Variants in PITPNM2 observed in about 807,000 individuals in gnomAD.
PITPNM2 encodes the protein membrane-associated phosphatidylinositol transfer protein 2.
PITPNM2 carries 35 observed loss-of-function variants against 132.2 expected under a neutral mutation model. The observed-to-expected ratio is 0.26, with a 90% CI of 0.20 to 0.35. The LOEUF (loss-of-function observed/expected upper bound fraction) is 0.35. Ranked by LOEUF, PITPNM2 falls within the 10% of genes least tolerant of loss-of-function variation. The probability of loss-of-function intolerance (pLI) is 1.00; values close to 1 mark genes in which losing one functional copy is unlikely to be tolerated. For missense variants in PITPNM2, 1,332 were observed against 1,912.0 expected (o/e 0.70, Z 5.66); for synonymous variants, 738 against 799.2 (o/e 0.92, Z 1.29).
chr12:123,060,568 G>A (rs1461680915), intron 2 of PITPNM2, among the ~76,000 whole-genome samples: 1 of 152,228 alleles, frequency 6.6e-6, no homozygotes, highest in Non-Finnish European at 1.5e-5. Context: ...ACTGCACACA[G>A]GATATACAGA....
rs1000952209 is a variant in PITPNM2, at chr12:122,984,707, G to A, written c.*1320C>T. 3 of 152,322 alleles carry A rather than the reference G, an allele frequency of 2.0e-5. No individual in the cohort carries two copies. The highest frequency in any genetic ancestry group is 1.9e-4 in the East Asian group (1 of 5,182). The allele number at this position is 152,322 out of a possible 1,614,324, so 9.4% of individuals were successfully genotyped here. A position where few individuals can be genotyped will look rare whatever the true frequency, so the allele number is the denominator to read the frequency against. ...AGACCCAGGTCGGCCGTAGCTTCTCGGGGACAGAGCCTGGTCGCTGGACAA... is the reference window on the plus strand; with the variant it reads ...AGACCCAGGTCGGCCGTAGCTTCTCAGGGACAGAGCCTGGTCGCTGGACAA... On this transcript the variant is annotated 3_prime_UTR_variant, in exon 26 of 26. Transcript: ENST00000320201.
Position 123,005,126 on chromosome 12 carries a change from T to C in PITPNM2, c.952+114A>G. ...GGGCTCTGACTCCCTCTGGGCTTGGTGCCTCAATGTCCATGGGAAAGAACT... is the reference window on the plus strand; with the variant it reads ...GGGCTCTGACTCCCTCTGGGCTTGGCGCCTCAATGTCCATGGGAAAGAACT... On this transcript the variant is annotated intron_variant, in intron 7 of 25. Transcript: ENST00000320201. This position sits in a 1 kb window ranked among gnomAD's most constrained non-coding sequence, Gnocchi z 6.2. The C allele has an allele frequency of 7.7e-7, 1 of 1,297,626 alleles. No individual in the cohort carries two copies. The highest frequency in any genetic ancestry group is 1.1e-6 in the Non-Finnish European group (1 of 938,226). 80.4% of individuals were successfully genotyped at this position (1,297,626 alleles called of 1,614,324 possible).
chr12:123,036,439 T>G lies in PITPNM2; in HGVS notation c.-95-1754A>C, dbSNP rs1257753608. Among the ~76,000 whole-genome samples the G allele has an allele frequency of 1.3e-5, 2 of 152,182 alleles. No homozygotes were observed. The highest frequency in any genetic ancestry group is 4.8e-5 in the African/African-American group (2 of 41,434). Reference sequence around the variant, plus strand: ...AATTCTCACATCCATCCTGGCATTATGGGATGCCAAGGCAGGTGGACTGCT... The same window carrying G: ...AATTCTCACATCCATCCTGGCATTAGGGGATGCCAAGGCAGGTGGACTGCT... On this transcript the variant is annotated intron_variant, in intron 2 of 25. Transcript: ENST00000320201. The surrounding 1 kb of genome is among the most constrained non-coding windows in gnomAD (Gnocchi z 4.1).
chr12:122,988,828 A>G lies in PITPNM2; in HGVS notation c.2776T>C (p.Tyr926His), dbSNP rs2038054049. Residue 926 changes from tyrosine to histidine, a missense_variant, in exon 19 of 26, where the codon TAC (tyrosine) becomes CAC (histidine). Coordinates refer to ENST00000320201, the MANE Select transcript of PITPNM2 (RefSeq NM_020845.3). ...AAGGCCGTGAGGGCGTCAGGGCAGT[A>G]CAGGGCGTAGTCGATCCGCTTCTGG... is the stretch of plus-strand genomic sequence containing the variant. ...WGQKRIDYAL[Y>H]CPDALTAFPT... is the part of the protein sequence containing the mutation. 6.3e-7 allele frequency: 1 copy of G among 1,583,454 alleles called. No homozygotes were observed. The highest frequency in any genetic ancestry group is 1.2e-5 in the South Asian group (1 of 86,604).
intron 20 of PITPNM2, 29 bp downstream of exon 20, chr12:122,988,204 TG>T (rs751635142): frequency 1.7e-5 from 27 of 1,577,440 alleles, no homozygotes; most frequent in Middle Eastern, 3.3e-4. Context: ...GGTGACATCG[TG>T]GGGGCCTGGG....
At chr12:123,144,633 T>C (rs1490465741) in intron 1 of PITPNM2, among the ~76,000 whole-genome samples, 2 of 152,180 alleles carry the variant, frequency 1.3e-5, no homozygotes, top group East Asian at 3.9e-4. Flanking sequence ...GGTTTCACCA[T>C]GTTGGCCAGG....
chr12:122,986,169 C>T lies in PITPNM2; in HGVS notation c.3908G>A (p.Gly1303Glu). The change falls in exon 26 of 26, where the codon GGG becomes GAG. Residue 1303 changes from glycine to glutamate, a missense_variant. By Grantham distance (98) the Gly-to-Glu change is moderately conservative. This residue lies in a region of PITPNM2 where 163 missense variants were observed against 177.2 expected (regional missense o/e 0.92). Transcript: ENST00000320201. Reference sequence around the variant, plus strand: ...TGTCCGCTCGTGCCGGTGGCTGGGCCCGCTGGGCTGGGCCGAGATGGTGCG... The same window carrying T: ...TGTCCGCTCGTGCCGGTGGCTGGGCTCGCTGGGCTGGGCCGAGATGGTGCG... Reference protein sequence around the residue: ...LLRTISAQPSGPSHRHERTQS... With the variant: ...LLRTISAQPSEPSHRHERTQS... The T allele has an allele frequency of 1.3e-6, 2 of 1,538,996 alleles. No homozygotes were observed. The highest frequency in any genetic ancestry group is 1.7e-6 in the Non-Finnish European group (2 of 1,147,476).
At chr12:123,028,925 G>T (rs1482542578) in intron 3 of PITPNM2, among the ~76,000 whole-genome samples, 1 of 152,144 alleles carries the variant, frequency 6.6e-6, no homozygotes, top group Non-Finnish European at 1.5e-5. Context: ...TGACAGTAGG[G>T]GTCTTGGTGA....
At chr12:123,017,037 C>A (rs182786629) in intron 3 of PITPNM2, among the ~76,000 whole-genome samples, 178 of 143,018 alleles carry the variant, frequency 1.2e-3, no homozygotes, top group African/African-American at 4.3e-3. Flanking sequence ...CAGAGTGAGA[C>A]TCCATCTCAA....
At chr12:122,988,445 GC>G in intron 19 of PITPNM2, 95 bp from the exon 20 acceptor site, 1 of 1,078,532 alleles carries the variant, frequency 9.3e-7, no homozygotes, top group Middle Eastern at 2.2e-4. Flanking sequence ...AGCAAGAGGA[GC>G]CTGTGGGTTG....
At chr12:123,015,070 T>C (rs1343431157) in intron 3 of PITPNM2, among the ~76,000 whole-genome samples, 1 of 152,222 alleles carries the variant, frequency 6.6e-6, no homozygotes, top group African/African-American at 2.4e-5. Flanking sequence ...CCCGTGTTGA[T>C]GGATTGGAAG....
chr12:123,022,514 G>C lies in PITPNM2; in HGVS notation c.79-8472C>G, dbSNP rs2039708171. Among the ~76,000 whole-genome samples, 1 of 152,138 alleles carries C rather than the reference G, an allele frequency of 6.6e-6. No homozygotes were observed. Among genetic ancestry groups the C allele is most frequent in the African/African-American group, 2.4e-5 (1 of 41,414 alleles). ...CAAGGGAGGCAAAGAGCATGAATGAGAGCCCCAAGCAGGAGATCTCCTGAC... is the reference window on the plus strand; with the variant it reads ...CAAGGGAGGCAAAGAGCATGAATGACAGCCCCAAGCAGGAGATCTCCTGAC... On this transcript the variant is annotated intron_variant, in intron 3 of 25. Coordinates refer to ENST00000320201, the MANE Select transcript of PITPNM2 (RefSeq NM_020845.3). This position sits in a 1 kb window ranked among gnomAD's most constrained non-coding sequence, Gnocchi z 4.9.
At position 122,997,480 on chromosome 12, in the gene PITPNM2, G is replaced by A. The variant is rs370868252; in HGVS notation, c.1317C>T (p.Ala439=). The change falls in exon 11 of 26, where the codon GCC becomes GCT. Residue 439 remains alanine (A), a synonymous_variant. Transcript: ENST00000320201. ...LHGGTILDTG[A]GDPSSKKGDA... Reference sequence around the variant, plus strand: ...CGCCCTTCTTGGAGCTGGGGTCCCCGGCGCCTGTGTCCAGGATGGTGCCTC... The same window carrying A: ...CGCCCTTCTTGGAGCTGGGGTCCCCAGCGCCTGTGTCCAGGATGGTGCCTC... 9.9e-5 allele frequency: 160 copies of A among 1,613,406 alleles called. No individual in the cohort carries two copies. The highest frequency in any genetic ancestry group is 6.5e-4 in the Admixed American group (39 of 60,006).
chr12:122,999,155 G>A (rs1267105475), intron 10 of PITPNM2, among the ~76,000 whole-genome samples: 1 of 151,970 alleles, frequency 6.6e-6, no homozygotes, highest in Non-Finnish European at 1.5e-5. Context: ...GCAAGGGAAT[G>A]GATGGGCTGG....
At chr12:123,039,474 GAGA>G (rs1363625260) in intron 2 of PITPNM2, among the ~76,000 whole-genome samples, 6 of 152,174 alleles carry the variant, frequency 3.9e-5, no homozygotes, top group Admixed American at 3.3e-4. Flanking sequence ...GACAAATTTG[GAGA>G]AGAACAAAGG....
intron 1 of PITPNM2, among the ~76,000 whole-genome samples, chr12:123,126,382 A>T (rs1381467618): frequency 1.3e-5 from 2 of 152,154 alleles, no homozygotes; most frequent in Non-Finnish European, 2.9e-5. Context: ...AAGCAAGCTG[A>T]CTACAACTCC....
chr12:123,064,887 G>T lies in PITPNM2; in HGVS notation c.-95-30202C>A, dbSNP rs956614140. On this transcript the variant is annotated intron_variant, in intron 2 of 25. Transcript: ENST00000320201. This position sits in a 1 kb window ranked among gnomAD's most constrained non-coding sequence, Gnocchi z 4.0. ...AGTCCTTTACCTGCTCCAGGCCTCA[G>T]TGTACCCATTTGTGGACCACCACCC... 2.6e-5 allele frequency among the ~76,000 whole-genome samples: 4 copies of T among 152,358 alleles called. No individual in the cohort carries two copies. The highest frequency in any genetic ancestry group is 5.9e-5 in the Non-Finnish European group (4 of 68,036).
chr12:123,014,143 G>A (rs1592943477), intron 3 of PITPNM2, 101 bp from the exon 4 acceptor site: 1 of 1,296,236 alleles, frequency 7.7e-7, no homozygotes, highest in Non-Finnish European at 1.1e-6. Flanking sequence ...AAGGGAGGAG[G>A]GGCTTTGGTC....
rs1036356836 is a variant in PITPNM2 at position 123,095,791 on chromosome 12, AC to A, written c.-96+14593del. 1.1e-4 allele frequency among the ~76,000 whole-genome samples: 17 copies of A among 152,292 alleles called. No individual in the cohort carries two copies. The highest frequency in any genetic ancestry group is 3.9e-4 in the African/African-American group (16 of 41,550). On this transcript the variant is annotated intron_variant, in intron 2 of 25. Coordinates refer to ENST00000320201, the MANE Select transcript of PITPNM2 (RefSeq NM_020845.3). This position sits in a 1 kb window ranked among gnomAD's most constrained non-coding sequence, Gnocchi z 5.0. ...ACCAGGAAGACTCTCCCTTGTTTAC[AC>A]GCAACCCTGCCTCCTGTGTCGTGTG...
Sources: allele counts gnomAD v4.1 joint callset (sites outside exome capture counted in the v4.1 genomes callset), GRCh38; gene constraint gnomAD v4.1.1; regional missense constraint gnomAD v4.1.1; non-coding constraint Gnocchi (gnomAD v3.1); transcripts MANE v1.5; gene names NCBI Gene and HGNC (gene_info 2026-07-23, HGNC 2026-07-21).